THSD7A: variants seen among roughly 807,000 people sequenced by gnomAD.
The protein encoded by THSD7A is thrombospondin type 1 domain containing 7A.
In THSD7A, 96 loss-of-function variants were observed where a neutral mutation model predicts 231.3. The observed-to-expected ratio is 0.41, with a 90% CI of 0.35 to 0.49. THSD7A has a LOEUF of 0.49. Ranked by LOEUF, THSD7A falls within the 20% of genes least tolerant of loss-of-function variation. The probability of loss-of-function intolerance (pLI) is 0.05; values close to 1 mark genes in which losing one functional copy is unlikely to be tolerated. For synonymous variants in THSD7A, 940 were observed against 743.3 expected, an observed-to-expected ratio of 1.26 and a Z score of -4.30; for missense variants, 2,290 against 2,070.2, an observed-to-expected ratio of 1.11 and a Z score of -2.06.
At chr7:11,431,446 G>GA (rs1254971626) in intron 13 of THSD7A, among the ~76,000 whole-genome samples, 68 of 152,200 alleles carry the variant, frequency 4.5e-4, no homozygotes, top group Non-Finnish European at 8.2e-4. Context: ...TTCAGTTGTT[G>GA]AAAAAACCTG....
chr7:11,621,525 C>A lies in THSD7A; in HGVS notation c.1022+14605G>T, dbSNP rs1444976132. On this transcript the variant is annotated intron_variant, in intron 2 of 27. Transcript: ENST00000423059. ...AGATTTGGTTTACCTTACTTTTTTT[C>A]TCTGATTTATCTTTTTTATTATATA... 2.0e-5 allele frequency among the ~76,000 whole-genome samples: 3 copies of A among 151,772 alleles called. No individual in the cohort carries two copies. The East Asian group carries it at 5.8e-4, about 29-fold the overall frequency.
chr7:11,563,344 A>G lies in THSD7A; in HGVS notation c.1454-20227T>C, dbSNP rs140928758. Among the ~76,000 whole-genome samples the G allele has an allele frequency of 2.3e-3, 349 of 152,122 alleles. 1 individual carries two copies. Among genetic ancestry groups the G allele is most frequent in the African/African-American group, 8.1e-3 (336 of 41,530 alleles). On this transcript the variant is annotated intron_variant, in intron 4 of 27. Transcript: ENST00000423059. ...CTGCCAGTCCTTTTTAGCTACGATA[A>G]CTCATTATTAAGTTTATTTTATTTT...
chr7:11,509,187 T>C (rs921547927), intron 6 of THSD7A, among the ~76,000 whole-genome samples: 6 of 152,242 alleles, frequency 3.9e-5, no homozygotes, highest in African/African-American at 1.4e-4. Context: ...TTAATGTTTT[T>C]AGCTTTCTAT....
intron 24 of THSD7A, among the ~76,000 whole-genome samples, chr7:11,381,133 G>A (rs1562562707): frequency 6.6e-6 from 1 of 152,132 alleles, no homozygotes; most frequent in Non-Finnish European, 1.5e-5. Flanking sequence ...GATGACTTCT[G>A]TAACACCTCC....
chr7:11,787,371 C>T (rs1052411366), intron 1 of THSD7A, among the ~76,000 whole-genome samples: 4 of 151,956 alleles, frequency 2.6e-5, no homozygotes, highest in Admixed American at 1.3e-4. Flanking sequence ...TTAGATGTAA[C>T]ACCAAAGGCA....
In THSD7A at chr7:11,411,158, T is replaced by C; in HGVS notation, c.3798+49A>G. ...TCACTTGGCTCAGCATGAATTGAAA[T>C]TATTAGGGAAGAATTTACTCGCGAA... On this transcript the variant is annotated intron_variant, in intron 19 of 27. Coordinates refer to ENST00000423059, the MANE Select transcript of THSD7A (RefSeq NM_015204.3). This position sits in a 1 kb window ranked among gnomAD's most constrained non-coding sequence, Gnocchi z 4.1. 4 of 1,438,580 alleles carry C rather than the reference T, an allele frequency of 2.8e-6. No homozygotes were observed. The highest frequency in any genetic ancestry group is 3.9e-6 in the Non-Finnish European group (4 of 1,029,574). 89.1% of individuals were successfully genotyped at this position (1,438,580 alleles called of 1,614,324 possible).
At chr7:11,621,003 GT>G (rs1314453134) in intron 2 of THSD7A, among the ~76,000 whole-genome samples, 1 of 152,114 alleles carries the variant, frequency 6.6e-6, no homozygotes, top group African/African-American at 2.4e-5. Flanking sequence ...GAAATGGGAG[GT>G]AAAATGAAAC....
Position 11,634,920 on chromosome 7 carries a change from A to T in THSD7A, c.1022+1210T>A, listed in dbSNP as rs1781779996. Among the ~76,000 whole-genome samples the T allele has an allele frequency of 6.6e-6, 1 of 152,180 alleles. No homozygotes were observed. Among genetic ancestry groups the T allele is most frequent in the African/African-American group, 2.4e-5 (1 of 41,456 alleles). On this transcript the variant is annotated intron_variant, in intron 2 of 27. Transcript: ENST00000423059. This position sits in a 1 kb window ranked among gnomAD's most constrained non-coding sequence, Gnocchi z 4.1. ...CCAGATTTCAAAATCTATGCATAGCAAAATCAGTAGACAAGAATAGATTGA... is the reference window on the plus strand; with the variant it reads ...CCAGATTTCAAAATCTATGCATAGCTAAATCAGTAGACAAGAATAGATTGA...
chr7:11,753,953 C>A (rs1310618961), intron 1 of THSD7A, among the ~76,000 whole-genome samples: 1 of 151,906 alleles, frequency 6.6e-6, no homozygotes, highest in African/African-American at 2.4e-5. Context: ...GCAACAACAA[C>A]AAACAGACAC....
At chr7:11,751,947 C>T (rs1256117645) in intron 1 of THSD7A, among the ~76,000 whole-genome samples, 1 of 152,090 alleles carries the variant, frequency 6.6e-6, no homozygotes, top group African/African-American at 2.4e-5. Flanking sequence ...CCACTTGCAG[C>T]TTATAGCTGC....
intron 7 of THSD7A, among the ~76,000 whole-genome samples, chr7:11,475,229 G>A (rs150040176): frequency 6.6e-6 from 1 of 152,232 alleles, no homozygotes; most frequent in East Asian, 1.9e-4. Context: ...CTTTTAAGGT[G>A]CTTCTAACGT....
At chr7:11,736,302 A>G (rs938844077) in intron 1 of THSD7A, among the ~76,000 whole-genome samples, 2 of 151,950 alleles carry the variant, frequency 1.3e-5, no homozygotes, top group African/African-American at 2.4e-5. Context: ...GTAATATTTA[A>G]TATATTTGAT....
chr7:11,614,851 A>G (rs1226282559), intron 2 of THSD7A, among the ~76,000 whole-genome samples: 1 of 152,192 alleles, frequency 6.6e-6, no homozygotes, highest in South Asian at 2.1e-4. Flanking sequence ...CATCAAGAAG[A>G]GATGAAGTGC....
At chr7:11,768,061 C>T (rs1033355092) in intron 1 of THSD7A, among the ~76,000 whole-genome samples, 1 of 151,942 alleles carries the variant, frequency 6.6e-6, no homozygotes, top group African/African-American at 2.4e-5. Context: ...TAAATGTAAA[C>T]CAGTGAGATG....
chr7:11,636,191 T>C lies in THSD7A; in HGVS notation c.961A>G (p.Ile321Val), dbSNP rs1464663586. ...RQENKYWDIQ[I>V]GYQTREVMCI... ...ATAACCTCTCTGGTCTGATATCCAA[T>C]CTGGATGTCCCAATATTTGTTCTCT... is the stretch of plus-strand genomic sequence containing the variant. The change falls in exon 2 of 28, where the codon ATT (isoleucine) becomes GTT (valine). Residue 321 changes from isoleucine to valine, a missense_variant. Coordinates refer to ENST00000423059, the MANE Select transcript of THSD7A (RefSeq NM_015204.3). This position sits in a 1 kb window ranked among gnomAD's most constrained non-coding sequence, Gnocchi z 10.0. 2 of 1,614,042 alleles carry C rather than the reference T, an allele frequency of 1.2e-6. No homozygotes were observed. Among genetic ancestry groups the C allele is most frequent in the South Asian group, 1.1e-5 (1 of 91,078 alleles).
intron 23 of THSD7A, among the ~76,000 whole-genome samples, chr7:11,389,164 G>T (rs1045823333): frequency 1.1e-4 from 16 of 152,102 alleles, no homozygotes; most frequent in Admixed American, 9.8e-4. Context: ...GAATATCCTT[G>T]TTAATTTTCT....
chr7:11,412,092 T>C (rs897254445), intron 18 of THSD7A, among the ~76,000 whole-genome samples: 8 of 152,230 alleles, frequency 5.3e-5, no homozygotes, highest in African/African-American at 1.9e-4. Flanking sequence ...TTTTCTTTCC[T>C]AGAGTATGCA....
chr7:11,727,540 T>C (rs1781588498), intron 1 of THSD7A, among the ~76,000 whole-genome samples: 1 of 151,976 alleles, frequency 6.6e-6, no homozygotes, highest in Non-Finnish European at 1.5e-5. Flanking sequence ...AAAATTCATT[T>C]GGGGCCCAAA....
chr7:11,588,462 T>C (rs748894264), intron 4 of THSD7A, among the ~76,000 whole-genome samples: 1 of 152,216 alleles, frequency 6.6e-6, no homozygotes, highest in Non-Finnish European at 1.5e-5. Context: ...TGATAAATAT[T>C]AATTTTAGGT....
Sources: gnomAD v4.1 joint callset for allele counts (sites outside exome capture counted in the v4.1 genomes callset) on GRCh38, gnomAD v4.1.1 for gene constraint, Gnocchi (gnomAD v3.1) non-coding constraint, MANE v1.5 for transcripts, NCBI Gene and HGNC (gene_info 2026-07-23, HGNC 2026-07-21) for gene names.